The following TMEM87A variants were observed in gnomAD, a reference collection of about 807,000 sequenced individuals.
TMEM87A encodes the protein transmembrane protein 87A.
In TMEM87A, 50 loss-of-function variants were observed where a neutral mutation model predicts 90.0. That is an observed-to-expected ratio of 0.56 (90% CI 0.44 to 0.70). The LOEUF (loss-of-function observed/expected upper bound fraction) is 0.70, where lower values mean the gene tolerates loss of function less well. Ranked by LOEUF, TMEM87A falls within the 30% of genes least tolerant of loss-of-function variation. The pLI is 0.00. For missense variants in TMEM87A, 577 were observed against 660.5 expected (o/e 0.87, Z 1.39); for synonymous variants, 226 against 226.7 (o/e 1.00, Z 0.03).
intron 12 of TMEM87A, 88 bp from the exon 13 acceptor site, chr15:42,228,908 T>C: frequency 2.2e-6 from 2 of 921,618 alleles, no homozygotes; most frequent in Admixed American, 2.6e-5. Flanking sequence ...TCTGGGGTCA[T>C]GCCAATAAAC....
rs142940045 is a variant in TMEM87A, at chr15:42,235,160, T to A, written c.968+1160A>T. Among the ~76,000 whole-genome samples, 516 of 152,310 alleles carry A rather than the reference T, an allele frequency of 3.4e-3. 2 individuals are homozygous for A. Among genetic ancestry groups the A allele is most frequent in the African/African-American group, 0.012 (496 of 41,568 alleles). On this transcript the variant is annotated intron_variant, in intron 10 of 19. Transcript: ENST00000389834. ...TTCAAGCGATTCTCTTGCCTCAGCC[T>A]TCCAAGTAGCTGGGACTACAGGTGC... is the stretch of plus-strand genomic sequence containing the variant.
intron 6 of TMEM87A, among the ~76,000 whole-genome samples, chr15:42,245,253 T>C (rs918787071): frequency 6.6e-6 from 1 of 152,218 alleles, no homozygotes; most frequent in Non-Finnish European, 1.5e-5. Flanking sequence ...TTCAAAGTTA[T>C]GGGTAATACA....
intron 10 of TMEM87A, among the ~76,000 whole-genome samples, chr15:42,235,133 G>T (rs1054920954): frequency 2.0e-5 from 3 of 152,142 alleles, no homozygotes; most frequent in African/African-American, 7.2e-5. Context: ...CCGCCTCCAG[G>T]GTTCAAGCGA....
Position 42,236,569 on chromosome 15 carries a change from G to C in TMEM87A, c.869-150C>G, listed in dbSNP as rs1595722777. 6 of 643,798 alleles carry C rather than the reference G, an allele frequency of 9.3e-6. No individual in the cohort carries two copies. The South Asian group carries it at 9.4e-5, about 10-fold the overall frequency. 39.9% of individuals were successfully genotyped at this position (643,798 alleles called of 1,614,324 possible). Reference sequence around the variant, plus strand: ...AATACCTCTTCCACAGTTTTTACAGGATACAAGCTGATGCCACTCACAATC... The same window carrying C: ...AATACCTCTTCCACAGTTTTTACAGCATACAAGCTGATGCCACTCACAATC... On this transcript the variant is annotated intron_variant, in intron 9 of 19. Transcript: ENST00000389834.
At chr15:42,267,120 T>C (rs760706813) in intron 3 of TMEM87A, among the ~76,000 whole-genome samples, 2 of 152,196 alleles carry the variant, frequency 1.3e-5, no homozygotes, top group Non-Finnish European at 2.9e-5. Context: ...AACCTACTGA[T>C]GAGATGAAGA....
chr15:42,239,855 A>G, intron 7 of TMEM87A, 124 bp from the exon 8 acceptor site: 1 of 793,360 alleles, frequency 1.3e-6, no homozygotes, highest in Non-Finnish European at 2.2e-6. Flanking sequence ...AGGCACTTCA[A>G]TCCTGGTCAA....
chr15:42,226,407 G>C (rs1003565833), intron 15 of TMEM87A, among the ~76,000 whole-genome samples: 1 of 151,502 alleles, frequency 6.6e-6, no homozygotes, highest in African/African-American at 2.4e-5. Flanking sequence ...CTACAGAATA[G>C]TGTAAACATA....
At chr15:42,273,574 T>C, upstream of TMEM87A, 1 of 1,123,072 alleles carries the variant, frequency 8.9e-7, no homozygotes, top group Non-Finnish European at 1.2e-6. Context: ...CCGTGAGACT[T>C]TGGACCTACT....
At chr15:42,252,287 G>A (rs1250216769) in intron 6 of TMEM87A, among the ~76,000 whole-genome samples, 1 of 152,194 alleles carries the variant, frequency 6.6e-6, no homozygotes, top group South Asian at 2.1e-4. Flanking sequence ...AGATGAGCCA[G>A]GTACCTCAGT....
At chr15:42,255,357 C>T (rs1355964309) in intron 6 of TMEM87A, among the ~76,000 whole-genome samples, 1 of 152,104 alleles carries the variant, frequency 6.6e-6, no homozygotes, top group Non-Finnish European at 1.5e-5. Context: ...GTCTTGAACT[C>T]GTGACCTCAG....
intron 7 of TMEM87A, among the ~76,000 whole-genome samples, chr15:42,243,683 C>A (rs985908275): frequency 1.3e-5 from 2 of 151,920 alleles, no homozygotes; most frequent in Non-Finnish European, 1.5e-5. Context: ...CCACACCGAG[C>A]TAATTTTGTA....
intron 8 of TMEM87A, among the ~76,000 whole-genome samples, chr15:42,239,251 G>A (rs1036881752): frequency 1.2e-4 from 18 of 152,166 alleles, no homozygotes; most frequent in Non-Finnish European, 2.9e-5. Flanking sequence ...ATGTTGGCCA[G>A]GCTGGTCTCA....
At chr15:42,220,894 C>A (rs1189212264) in intron 15 of TMEM87A, among the ~76,000 whole-genome samples, 1 of 152,188 alleles carries the variant, frequency 6.6e-6, no homozygotes, top group Non-Finnish European at 1.5e-5. Flanking sequence ...CGGGTTCACA[C>A]CATTCTCCTG....
chr15:42,273,191 T>C (rs1595757349), intron 1 of TMEM87A, 64 bp downstream of exon 1: 1 of 1,600,334 alleles, frequency 6.2e-7, no homozygotes, highest in East Asian at 2.2e-5. Context: ...CATGGACCCC[T>C]TGGGCCGCCG....
At chr15:42,271,502 G>T (rs1242512196) in intron 2 of TMEM87A, 1 of 152,146 alleles carries the variant, frequency 6.6e-6, no homozygotes, top group Non-Finnish European at 1.5e-5. Context: ...CCATAAAATT[G>T]TAATATCGTA....
chr15:42,233,089 A>T (rs762285626), intron 11 of TMEM87A, 124 bp downstream of exon 11: 56 of 717,998 alleles, frequency 7.8e-5, no homozygotes, highest in Non-Finnish European at 1.2e-4. Context: ...TATTTTGAAA[A>T]TCAGAGCCCA....
chr15:42,243,299 A>T (rs998914747), intron 7 of TMEM87A, among the ~76,000 whole-genome samples: 1 of 109,248 alleles, frequency 9.2e-6, no homozygotes, highest in African/African-American at 3.0e-5. Flanking sequence ...TAAATAAATA[A>T]ATAAATAAAT....
At chr15:42,258,107 GA>G in intron 6 of TMEM87A, 1 of 977,372 alleles carries the variant, frequency 1.0e-6, no homozygotes, top group South Asian at 4.7e-5. Flanking sequence ...AAAAGTTCAA[GA>G]ACAGAGAATT....
chr15:42,258,738 C>A (rs369970746), intron 6 of TMEM87A: 3 of 1,402,158 alleles, frequency 2.1e-6, no homozygotes, highest in African/African-American at 2.9e-5. Flanking sequence ...TAATGGCTAT[C>A]TTTTGTTTAA....
Sources: allele counts gnomAD v4.1 joint callset (sites outside exome capture counted in the v4.1 genomes callset), GRCh38; gene constraint gnomAD v4.1.1; transcripts MANE v1.5; gene names NCBI Gene and HGNC (gene_info 2026-07-23, HGNC 2026-07-21).